Variants in STAU2 observed in about 807,000 individuals in gnomAD.
STAU2 encodes staufen double-stranded RNA binding protein 2.
STAU2 carries 20 observed loss-of-function variants against 65.9 expected under a neutral mutation model. The observed-to-expected ratio is 0.30, with a 90% CI of 0.21 to 0.44. The LOEUF (loss-of-function observed/expected upper bound fraction) is 0.44. Among genes scored for constraint, STAU2 ranks in the 20% least tolerant of loss-of-function variants. The pLI is 1.00. For synonymous variants in STAU2, 232 were observed against 233.9 expected (o/e 0.99, Z 0.07); for missense variants, 558 against 683.9 (o/e 0.82, Z 2.05).
rs755887843 is a variant in STAU2 at position 73,519,568 on chromosome 8, G to C, written c.1530+32444C>G. On this transcript the variant is annotated intron_variant, in intron 13 of 14. Transcript: ENST00000524300. ...CTAAGGCCAATTACATGTATTTACA[G>C]TATGTGAATACACCAAGATCAAGCT... 5.6e-4 allele frequency among the ~76,000 whole-genome samples: 86 copies of C among 152,284 alleles called. No individual in the cohort carries two copies. In the Middle Eastern group the frequency reaches 0.02, roughly 36 times the overall value.
chr8:73,680,448 G>A (rs540407089), intron 5 of STAU2, among the ~76,000 whole-genome samples: 7 of 152,262 alleles, frequency 4.6e-5, no homozygotes, highest in South Asian at 2.1e-4. Context: ...GGATCATCCC[G>A]TGGGATAAAA....
At chr8:73,578,958 T>C (rs1010683547) in intron 12 of STAU2, among the ~76,000 whole-genome samples, 2 of 151,980 alleles carry the variant, frequency 1.3e-5, no homozygotes, top group Non-Finnish European at 2.9e-5. Context: ...AACACTTATA[T>C]ACCTCCCTTC....
intron 6 of STAU2, among the ~76,000 whole-genome samples, chr8:73,640,339 C>G (rs1814861346): frequency 6.6e-6 from 1 of 152,012 alleles, no homozygotes; most frequent in Non-Finnish European, 1.5e-5. Context: ...AAGACACTGA[C>G]TTAAAGAATT....
At chr8:73,680,197 C>T (rs1818331917) in intron 5 of STAU2, among the ~76,000 whole-genome samples, 1 of 151,324 alleles carries the variant, frequency 6.6e-6, no homozygotes, top group African/African-American at 2.4e-5. Flanking sequence ...ATGGAAAGTA[C>T]AGATATGAGA....
chr8:73,452,912 TG>T (rs1818875948), intron 13 of STAU2, among the ~76,000 whole-genome samples: 1 of 152,218 alleles, frequency 6.6e-6, no homozygotes, highest in East Asian at 1.9e-4. Flanking sequence ...GGTGGATTGA[TG>T]GTTTGCAGTA....
At chr8:73,564,814 C>CA (rs754024175) in intron 12 of STAU2, among the ~76,000 whole-genome samples, 2 of 152,176 alleles carry the variant, frequency 1.3e-5, no homozygotes, top group African/African-American at 2.4e-5. Flanking sequence ...CCCATATCTG[C>CA]ACTGGTTTTC....
intron 13 of STAU2, among the ~76,000 whole-genome samples, chr8:73,500,872 T>G (rs1343225355): frequency 6.6e-6 from 1 of 151,938 alleles, no homozygotes; most frequent in Non-Finnish European, 1.5e-5. Flanking sequence ...TTTCTCACAT[T>G]CTGCTAAACA....
At position 73,424,421 on chromosome 8, in the gene STAU2, G is replaced by A. The variant is rs907201220; in HGVS notation, c.1531-1719C>T. Among the ~76,000 whole-genome samples, 9 of 151,998 alleles carry A rather than the reference G, an allele frequency of 5.9e-5. No homozygotes were observed. The East Asian group carries it at 9.8e-4, about 17-fold the overall frequency. ...TCACCATGTTGGCCAGGCTGGTCTC[G>A]AACTCCTGACCTCGGGTGATCCACC... is the stretch of plus-strand genomic sequence containing the variant. On this transcript the variant is annotated intron_variant, in intron 13 of 14. Transcript: ENST00000524300.
intron 13 of STAU2, among the ~76,000 whole-genome samples, chr8:73,478,628 C>CT (rs1820444701): frequency 6.6e-6 from 1 of 152,056 alleles, no homozygotes; most frequent in Admixed American, 6.6e-5. Context: ...GGTTTATGTT[C>CT]TTTGTTTTAC....
chr8:73,469,785 A>G (rs568559948), intron 13 of STAU2, among the ~76,000 whole-genome samples: 1 of 152,354 alleles, frequency 6.6e-6, no homozygotes, highest in African/African-American at 2.4e-5. Context: ...GAATCAGATT[A>G]AACCTCGAAT....
At chr8:73,561,587 G>A in intron 12 of STAU2, 1 of 450,104 alleles carries the variant, frequency 2.2e-6, no homozygotes, top group South Asian at 1.6e-5. Context: ...TCTGACATAT[G>A]ACAAAAGTGA....
rs537409425 is a variant in STAU2, at chr8:73,551,858, C to CT, written c.1530+153dup. Reference sequence around the variant, plus strand: ...GAGAAAATGAGGCATGTGCATATGGCTTTTTTGTCTGTCCTTTGTGTTCCT... The same window carrying CT: ...GAGAAAATGAGGCATGTGCATATGGCTTTTTTTGTCTGTCCTTTGTGTTCCT... On this transcript the variant is annotated intron_variant, in intron 13 of 14. Transcript: ENST00000524300. 4.0e-5 allele frequency: 53 copies of CT among 1,310,072 alleles called. 1 individual carries two copies. The East Asian group carries it at 1.3e-3, about 31-fold the overall frequency. 81.2% of individuals were successfully genotyped at this position (1,310,072 alleles called of 1,614,324 possible). A position where few individuals can be genotyped will look rare whatever the true frequency, so the allele number is the denominator to read the frequency against.
chr8:73,608,336 A>G (rs2129777156), intron 9 of STAU2, among the ~76,000 whole-genome samples: 1 of 152,272 alleles, frequency 6.6e-6, no homozygotes, highest in Admixed American at 6.5e-5. Flanking sequence ...GGCCAAGCAC[A>G]GTGGCTCACT....
intron 13 of STAU2, among the ~76,000 whole-genome samples, chr8:73,469,470 A>AT (rs200016029): frequency 6.1e-5 from 4 of 65,234 alleles, no homozygotes; most frequent in African/African-American, 2.7e-4. Context: ...ATATATATAT[A>AT]TTTAAAAAAA....
intron 13 of STAU2, among the ~76,000 whole-genome samples, chr8:73,490,667 C>T (rs1279231182): frequency 6.6e-6 from 1 of 152,022 alleles, no homozygotes; most frequent in Admixed American, 6.6e-5. Flanking sequence ...GTAGAAATTG[C>T]TGTGCCTTAT....
intron 3 of STAU2, among the ~76,000 whole-genome samples, chr8:73,726,451 T>C (rs1805640416): frequency 6.6e-6 from 1 of 152,134 alleles, no homozygotes; most frequent in South Asian, 2.1e-4. Context: ...TAAAAGTCAT[T>C]ATTTCTTATA....
chr8:73,739,926 A>T, intron 1 of STAU2, 58 bp from the exon 2 acceptor site: 1 of 731,670 alleles, frequency 1.4e-6, no homozygotes, highest in Non-Finnish European at 2.3e-6. Context: ...TAGGTTATAA[A>T]AATTCTTAGG....
rs539680125 is a variant in STAU2 at position 73,629,920 on chromosome 8, A to AT, written c.411-12470dup. ...AGGCGTGCACTACCACACTTGGCTA[A>AT]TTTTTTTTTATTTTTATGTTTTATA... is the stretch of plus-strand genomic sequence containing the variant. On this transcript the variant is annotated intron_variant, in intron 6 of 14. Coordinates refer to ENST00000524300, the MANE Select transcript of STAU2 (RefSeq NM_001164380.2). Among the ~76,000 whole-genome samples, 287 of 151,762 alleles carry AT rather than the reference A, an allele frequency of 1.9e-3. 1 individual carries two copies. Among genetic ancestry groups the AT allele is most frequent in the African/African-American group, 5.8e-3 (239 of 41,394 alleles).
intron 6 of STAU2, among the ~76,000 whole-genome samples, chr8:73,646,479 G>A (rs1262202158): frequency 1.3e-5 from 2 of 152,174 alleles, no homozygotes; most frequent in Non-Finnish European, 2.9e-5. Context: ...AATGGAGGAA[G>A]GAGAGCTATC....
Sources: allele counts gnomAD v4.1 joint callset (sites outside exome capture counted in the v4.1 genomes callset), GRCh38; gene constraint gnomAD v4.1.1; transcripts MANE v1.5; gene names NCBI Gene and HGNC (gene_info 2026-07-23, HGNC 2026-07-21).